ZNF611: variants seen among roughly 807,000 people sequenced by gnomAD.
The protein encoded by ZNF611 is zinc finger protein 611.
ZNF611 carries 6 observed loss-of-function variants against 8.9 expected under a neutral mutation model. The observed-to-expected ratio is 0.68, with a 90% confidence interval of 0.37 to 1.34. The LOEUF (loss-of-function observed/expected upper bound fraction) is 1.34. Ranked by LOEUF, ZNF611 falls within the 40% of genes most tolerant of loss-of-function variation. The pLI is 0.02. For missense variants in ZNF611, 874 were observed against 841.3 expected (o/e 1.04, Z -0.48); for synonymous variants, 262 against 279.7 (o/e 0.94, Z 0.63).
At position 52,705,464 on chromosome 19, in the gene ZNF611, C is replaced by A. The variant is rs569739297; in HGVS notation, c.1591G>T (p.Gly531Cys). The A allele has an allele frequency of 3.5e-5, 56 of 1,612,344 alleles. No homozygotes were observed. The highest frequency in any genetic ancestry group is 4.7e-5 in the Non-Finnish European group (55 of 1,179,524). The change falls in exon 6 of 6, where the codon GGT (glycine) becomes TGT (cysteine). Residue 531 changes from glycine to cysteine, a missense_variant. Transcript: ENST00000652185. ...RKSSLETHKI[G>C]HTGEKPYKCK... is the part of the protein sequence containing the mutation. ...TTGTATGGTTTCTCTCCAGTATGAC[C>A]TATCTTATGTGTCTCAAGGCTTGAT...
intron 1 of ZNF611, among the ~76,000 whole-genome samples, chr19:52,731,054 C>T (rs35115514): frequency 4.7e-4 from 71 of 152,068 alleles, no homozygotes; most frequent in Non-Finnish European, 8.4e-4. Flanking sequence ...TGCCACCACC[C>T]CTGGCTATTT....
chr19:52,729,370 G>C (rs1051662418), intron 2 of ZNF611, among the ~76,000 whole-genome samples: 3 of 151,694 alleles, frequency 2.0e-5, no homozygotes, highest in African/African-American at 7.3e-5. Context: ...GCTTGCGCCT[G>C]CAGTCCCAGC....
At position 52,704,873 on chromosome 19, in the gene ZNF611, T is replaced by G; in HGVS notation, c.*64A>C. 6.2e-7 allele frequency: 1 copy of G among 1,609,056 alleles called. No homozygotes were observed. The highest frequency in any genetic ancestry group is 1.1e-5 in the South Asian group (1 of 90,288). ...ACATTTGTAAGCTTTCTCTCCAGTA[T>G]AAATTCTCCTATGTCTTTAAGGTGT... On this transcript the variant is annotated 3_prime_UTR_variant, in exon 6 of 6. Transcript: ENST00000652185.
chr19:52,732,062 A>G (rs1445656916), intron 1 of ZNF611, among the ~76,000 whole-genome samples: 1 of 152,014 alleles, frequency 6.6e-6, no homozygotes, highest in African/African-American at 2.4e-5. Flanking sequence ...CGAGGTCAGG[A>G]GATTGAGACC....
intron 3 of ZNF611, among the ~76,000 whole-genome samples, chr19:52,717,225 C>A (rs1600318873): frequency 6.6e-6 from 1 of 152,204 alleles, no homozygotes; most frequent in South Asian, 2.1e-4. Flanking sequence ...TAAGCTCTGC[C>A]CCGACTATCT....
In ZNF611 at chr19:52,706,775, C is replaced by G. The variant is rs1215852057; in HGVS notation, c.280G>C (p.Glu94Gln). The part of the protein sequence containing the change: ...VIHTGTLQRH[E>Q]SHHIGDFCFQ... ...CAAAAATCTCCAATGTGATGACTTT[C>G]ATGTCTTTGCAATGTCCCTGTGTGG... Residue 94 changes from glutamate to glutamine, a missense_variant, in exon 6 of 6, where the codon GAA becomes CAA. By Grantham distance (29) the Glu-to-Gln change is conservative. Transcript: ENST00000652185. 5.6e-6 allele frequency: 9 copies of G among 1,613,984 alleles called. No individual in the cohort carries two copies. The highest frequency in any genetic ancestry group is 7.6e-6 in the Non-Finnish European group (9 of 1,179,988).
At chr19:52,730,142 C>A (rs572299819) in intron 1 of ZNF611, 137 bp from the exon 2 acceptor site, 2 of 151,894 alleles carry the variant, frequency 1.3e-5, no homozygotes, top group East Asian at 3.9e-4. Flanking sequence ...GCCTGTAATC[C>A]CAGCACTTTG....
chr19:52,703,047 T>C lies in ZNF611; in HGVS notation c.*1890A>G, dbSNP rs185820041. 2.8e-5 allele frequency: 4 copies of C among 142,826 alleles called. No individual in the cohort carries two copies. The East Asian group carries it at 8.3e-4, about 30-fold the overall frequency. The allele number at this position is 142,826 out of a possible 1,614,324, so 8.8% of individuals were successfully genotyped here. ...GGTCAACCGGAAAATAACTGGAAAA[T>C]ATACAAGTACAGAAACGAATGATGT... On this transcript the variant is annotated 3_prime_UTR_variant, in exon 6 of 6. Coordinates refer to ENST00000652185, the MANE Select transcript of ZNF611 (RefSeq NM_001161499.2).
Position 52,705,985 on chromosome 19 carries a change from T to C in ZNF611, c.1070A>G (p.Gln357Arg). Residue 357 changes from glutamine to arginine, a missense_variant, in exon 6 of 6, where the codon CAA becomes CGA. By Grantham distance (43) the Gln-to-Arg change is conservative. Transcript: ENST00000652185. ...ECDKAFNQQS[Q>R]LSHHRIHTGE... Reference sequence around the variant, plus strand: ...AGTATGAATTCTATGATGTGAAAGTTGTGATTGTTGATTAAAAGCCTTGTC... The same window carrying C: ...AGTATGAATTCTATGATGTGAAAGTCGTGATTGTTGATTAAAAGCCTTGTC... 6.2e-7 allele frequency: 1 copy of C among 1,614,210 alleles called. No individual in the cohort carries two copies. The highest frequency in any genetic ancestry group is 8.5e-7 in the Non-Finnish European group (1 of 1,180,034).
chr19:52,721,283 G>A (rs2062358003), intron 3 of ZNF611: 2 of 168,734 alleles, frequency 1.2e-5, no homozygotes, highest in Non-Finnish European at 2.5e-5. Flanking sequence ...TGGGGTGGTG[G>A]CCGGGCAGAG....
rs1331469252 is a variant in ZNF611 at position 52,702,942 on chromosome 19, AT to A, written c.*1994del. ...AACAAAGACTAGAAAGCATGCAGAC[AT>A]TGATATGAACTGGATGCAACTAATT... On this transcript the variant is annotated 3_prime_UTR_variant, in exon 6 of 6. Transcript: ENST00000652185. 2 of 152,214 alleles carry A rather than the reference AT, an allele frequency of 1.3e-5. No individual in the cohort carries two copies. The highest frequency in any genetic ancestry group is 2.9e-5 in the Non-Finnish European group (2 of 68,040). The allele number at this position is 152,214 out of a possible 1,614,324, so 9.4% of individuals were successfully genotyped here.
At position 52,706,768 on chromosome 19, in the gene ZNF611, T is replaced by A. The variant is rs1226519972; in HGVS notation, c.287A>T (p.His96Leu). ...CTGGAAGCAAAAATCTCCAATGTGA[T>A]GACTTTCATGTCTTTGCAATGTCCC... is the stretch of plus-strand genomic sequence containing the variant. ...HTGTLQRHESHHIGDFCFQEI... is the reference protein window; with the variant it reads ...HTGTLQRHESLHIGDFCFQEI... The change falls in exon 6 of 6, where the codon CAT (histidine) becomes CTT (leucine). Residue 96 changes from histidine (H) to leucine (L), a missense_variant. Transcript: ENST00000652185. The A allele has an allele frequency of 2.5e-6, 4 of 1,614,208 alleles. No homozygotes were observed. In the South Asian group the frequency reaches 4.4e-5, roughly 18 times the overall value.
In ZNF611 at chr19:52,722,905, G is replaced by GTTT. The variant is rs372056346; in HGVS notation, c.-20+5822_-20+5824dup. 3.8e-3 allele frequency among the ~76,000 whole-genome samples: 452 copies of GTTT among 119,970 alleles called. 16 individuals are homozygous for GTTT. Among genetic ancestry groups the GTTT allele is most frequent in the Non-Finnish European group, 6.0e-3 (355 of 59,464 alleles). 78.7% of individuals were successfully genotyped at this position (119,970 alleles called of 152,430 possible). A position where few individuals can be genotyped will look rare whatever the true frequency, so the allele number is the denominator to read the frequency against. Reference sequence around the variant, plus strand: ...ATTATCATGCCTGGTTTTTGTTTTCGTTTTTTTTTTTTTTTTTTTGATAGA... The same window carrying GTTT: ...ATTATCATGCCTGGTTTTTGTTTTCGTTTTTTTTTTTTTTTTTTTTTTGATAGA... On this transcript the variant is annotated intron_variant, in intron 3 of 5. Transcript: ENST00000652185.
intron 1 of ZNF611, among the ~76,000 whole-genome samples, chr19:52,734,661 G>A (rs2062446759): frequency 6.6e-6 from 1 of 152,352 alleles, no homozygotes; most frequent in Admixed American, 6.5e-5. Flanking sequence ...CTGAGGAGGG[G>A]GAGGCTGGGA....
chr19:52,713,064 C>G (rs1398722780), intron 5 of ZNF611, among the ~76,000 whole-genome samples: 1 of 152,136 alleles, frequency 6.6e-6, no homozygotes, highest in Admixed American at 6.6e-5. Context: ...GGTGTGGTGA[C>G]ACATGCCTGT....
chr19:52,720,183 C>G (rs909595452), intron 3 of ZNF611, among the ~76,000 whole-genome samples: 3 of 152,366 alleles, frequency 2.0e-5, no homozygotes, highest in Non-Finnish European at 4.4e-5. Context: ...TACACAGACA[C>G]AGTAACAATC....
intron 4 of ZNF611, 27 bp from the exon 5 acceptor site, chr19:52,714,168 A>G: frequency 1.9e-6 from 3 of 1,610,448 alleles, no homozygotes; most frequent in Non-Finnish European, 2.5e-6. Context: ...ATTTCAACAA[A>G]ACATTATGGA....
chr19:52,715,628 G>A (rs2062311530), intron 4 of ZNF611, among the ~76,000 whole-genome samples: 1 of 152,158 alleles, frequency 6.6e-6, no homozygotes, highest in African/African-American at 2.4e-5. Flanking sequence ...ACCATGCCCA[G>A]TGGAGCCTCT....
rs2062240665 is a variant in ZNF611, at chr19:52,706,040, CAGTA to C, written c.1011_1014del (p.Asp337GlufsTer161). On this transcript the variant is annotated frameshift_variant, in exon 6 of 6. Transcript: ENST00000652185. LOFTEE classifies it low-confidence loss of function (END_TRUNC). ...TCATTACACTTGTAAGGATTTTCTC[CAGTA>C]TCAATTGCCTTATCAATTAGAAGGG... 1.2e-6 allele frequency: 2 copies of C among 1,613,984 alleles called. No individual in the cohort carries two copies. The highest frequency in any genetic ancestry group is 1.7e-6 in the Non-Finnish European group (2 of 1,180,026).
Sources: gnomAD v4.1 joint callset for allele counts (sites outside exome capture counted in the v4.1 genomes callset) on GRCh38, gnomAD v4.1.1 for gene constraint, MANE v1.5 for transcripts, NCBI Gene and HGNC (gene_info 2026-07-23, HGNC 2026-07-21) for gene names.